ANKRD31: variants seen among roughly 807,000 people sequenced by gnomAD.
ANKRD31 encodes the protein ankyrin repeat domain-containing protein 31.
ANKRD31 carries 147 observed loss-of-function variants against 186.0 expected under a neutral mutation model. The observed-to-expected ratio is 0.79, with a 90% confidence interval of 0.69 to 0.91. The LOEUF is 0.91. Among genes scored for constraint, ANKRD31 ranks in the 40% least tolerant of loss-of-function variants. ANKRD31 has a pLI of 0.00. For missense variants in ANKRD31, 1,986 were observed against 2,148.8 expected, an observed-to-expected ratio of 0.92 and a Z score of 1.50; for synonymous variants, 673 against 736.4, an observed-to-expected ratio of 0.91 and a Z score of 1.39.
At chr5:75,174,739 G>C (rs1753639368) in intron 10 of ANKRD31, among the ~76,000 whole-genome samples, 1 of 152,210 alleles carries the variant, frequency 6.6e-6, no homozygotes, top group Non-Finnish European at 1.5e-5. Flanking sequence ...ACAGATGCTG[G>C]AGAGGATGTG....
chr5:75,178,047 A>G (rs1022001821), intron 10 of ANKRD31, among the ~76,000 whole-genome samples: 4 of 152,176 alleles, frequency 2.6e-5, no homozygotes, highest in Non-Finnish European at 4.4e-5. Flanking sequence ...AGATCTACCA[A>G]GCAAATGGAA....
At chr5:75,135,554 A>G (rs1289725207) in intron 17 of ANKRD31, among the ~76,000 whole-genome samples, 2 of 152,138 alleles carry the variant, frequency 1.3e-5, no homozygotes, top group Admixed American at 6.5e-5. Flanking sequence ...ATGCTCATGG[A>G]TAGGAAGAAT....
intron 5 of ANKRD31, among the ~76,000 whole-genome samples, chr5:75,204,981 T>C (rs1428848578): frequency 6.6e-6 from 1 of 152,192 alleles, no homozygotes. Flanking sequence ...CAAGCTGTCC[T>C]CCCGCCTCAG....
At chr5:75,169,839 A>G (rs1753192429) in intron 10 of ANKRD31, among the ~76,000 whole-genome samples, 1 of 152,114 alleles carries the variant, frequency 6.6e-6, no homozygotes, top group Non-Finnish European at 1.5e-5. Flanking sequence ...AGTATCACAG[A>G]ATGTTTACCA....
At chr5:75,168,146 G>A (rs1282860080) in intron 11 of ANKRD31, among the ~76,000 whole-genome samples, 1 of 152,120 alleles carries the variant, frequency 6.6e-6, no homozygotes, top group African/African-American at 2.4e-5. Flanking sequence ...CTGAAGTACT[G>A]TTTCATACTA....
In ANKRD31 at chr5:75,168,992, T is replaced by C. The variant is rs185433612; in HGVS notation, c.1694A>G (p.Asn565Ser). ...GCATCACAGTACCTTATAATGTCCATTCATCACTGCATCATGTAGGGGAGT... is the reference window on the plus strand; with the variant it reads ...GCATCACAGTACCTTATAATGTCCACTCATCACTGCATCATGTAGGGGAGT... ...QITPLHDAVM[N>S]GHYKVAELLL... The change falls in exon 11 of 26, where the codon AAT becomes AGT. Residue 565 changes from asparagine (N) to serine (S), a missense_variant. Transcript: ENST00000506364. 2,541 of 1,536,048 alleles carry C rather than the reference T, an allele frequency of 1.7e-3. 7 individuals carry two copies. The highest frequency in any genetic ancestry group is 2.5e-3 in the Admixed American group (128 of 50,974).
At chr5:75,069,793 G>A (rs533468940) in intron 25 of ANKRD31, among the ~76,000 whole-genome samples, 39 of 152,194 alleles carry the variant, frequency 2.6e-4, no homozygotes, top group Non-Finnish European at 4.1e-4. Flanking sequence ...TGATCCACCC[G>A]CCTCAGCCTC....
intron 5 of ANKRD31, among the ~76,000 whole-genome samples, chr5:75,203,872 T>G (rs535813494): frequency 6.6e-6 from 1 of 152,270 alleles, no homozygotes; most frequent in African/African-American, 2.4e-5. Flanking sequence ...TAACTACATC[T>G]TGTAAAAAGT....
At chr5:75,114,100 A>C (rs1748000775) in intron 19 of ANKRD31, among the ~76,000 whole-genome samples, 1 of 152,204 alleles carries the variant, frequency 6.6e-6, no homozygotes, top group South Asian at 2.1e-4. Flanking sequence ...AATTTCAATC[A>C]ATATGTATAT....
intron 23 of ANKRD31, among the ~76,000 whole-genome samples, chr5:75,086,246 A>G (rs954086989): frequency 1.3e-5 from 2 of 152,252 alleles, no homozygotes; most frequent in Admixed American, 1.3e-4. Flanking sequence ...TAATTCAGAC[A>G]AAGAACAGAG....
At chr5:75,163,182 C>A (rs972247527) in intron 11 of ANKRD31, among the ~76,000 whole-genome samples, 1 of 152,212 alleles carries the variant, frequency 6.6e-6, no homozygotes. Flanking sequence ...GTTTAATATT[C>A]TTTATTTGAA....
intron 17 of ANKRD31, among the ~76,000 whole-genome samples, chr5:75,129,715 G>A (rs1019817701): frequency 6.6e-6 from 1 of 152,204 alleles, no homozygotes; most frequent in Admixed American, 6.5e-5. Context: ...CTCCCAGCAT[G>A]AGCGATGCAG....
At chr5:75,103,638 G>A (rs989681701) in intron 22 of ANKRD31, among the ~76,000 whole-genome samples, 1 of 152,158 alleles carries the variant, frequency 6.6e-6, no homozygotes, top group African/African-American at 2.4e-5. Context: ...AGAAAATGTG[G>A]TGCATATACA....
At chr5:75,106,478 G>C (rs1747339881) in intron 21 of ANKRD31, among the ~76,000 whole-genome samples, 1 of 152,048 alleles carries the variant, frequency 6.6e-6, no homozygotes, top group Non-Finnish European at 1.5e-5. Flanking sequence ...ACAACTGGTA[G>C]CATAAAATGC....
Position 75,195,860 on chromosome 5 carries a change from G to A in ANKRD31, c.788C>T (p.Ser263Leu), listed in dbSNP as rs1209795465. The change falls in exon 7 of 26, where the codon TCA (serine) becomes TTA (leucine). Residue 263 changes from serine to leucine, a missense_variant. Physicochemically the swap from Ser to Leu is moderately radical, Grantham distance 145 (BLOSUM62 -2). Transcript: ENST00000506364. The stretch of plus-strand genomic sequence containing the variant: ...TGCCGACCAGGAATTCAAAGGTATT[G>A]ATATGGAACTAAGAGAGTCACTCAA... The part of the protein sequence containing the change: ...NPLSDSLSSI[S>L]IPLNSWSACH... 1.3e-6 allele frequency: 2 copies of A among 1,535,290 alleles called. No homozygotes were observed. Among genetic ancestry groups the A allele is most frequent in the East Asian group, 2.4e-5 (1 of 40,850 alleles).
intron 5 of ANKRD31, among the ~76,000 whole-genome samples, chr5:75,202,944 T>C (rs1450614123): frequency 6.6e-6 from 1 of 152,188 alleles, no homozygotes; most frequent in Non-Finnish European, 1.5e-5. Flanking sequence ...GTGGCACTAC[T>C]TTTTATTTTT....
chr5:75,094,886 A>AT (rs760753314), intron 22 of ANKRD31, among the ~76,000 whole-genome samples: 26 of 152,322 alleles, frequency 1.7e-4, no homozygotes, highest in Non-Finnish European at 2.9e-4. Flanking sequence ...TGGAATGGCT[A>AT]TACAATATCA....
chr5:75,230,485 A>T, intron 2 of ANKRD31, 77 bp downstream of exon 2: 1 of 1,158,610 alleles, frequency 8.6e-7, no homozygotes, highest in Non-Finnish European at 1.2e-6. Context: ...CTCAGTTTCC[A>T]AGAACCTATC....
At chr5:75,224,161 G>GTATATATA (rs1166396416) in intron 2 of ANKRD31, among the ~76,000 whole-genome samples, 1 of 36,124 alleles carries the variant, frequency 2.8e-5, no homozygotes, top group Admixed American at 3.1e-4. Flanking sequence ...ATATATATAT[G>GTATATATA]TATATATATA....
Sources: gnomAD v4.1 joint callset for allele counts (sites outside exome capture counted in the v4.1 genomes callset) on GRCh38, gnomAD v4.1.1 for gene constraint, MANE v1.5 for transcripts, NCBI Gene and HGNC (gene_info 2026-07-23, HGNC 2026-07-21) for gene names.